NRXN3: variants seen among roughly 807,000 people sequenced by gnomAD.
NRXN3 encodes the protein neurexin III.
In NRXN3, 32 loss-of-function variants were observed where a neutral mutation model predicts 137.6. The observed-to-expected ratio is 0.23, with a 90% CI of 0.18 to 0.31. The LOEUF (loss-of-function observed/expected upper bound fraction) is 0.31, where lower values mean the gene tolerates loss of function less well. Ranked by LOEUF, NRXN3 falls within the 10% of genes least tolerant of loss-of-function variation. The pLI, the probability that NRXN3 is intolerant of heterozygous loss-of-function variation, is 1.00. For missense variants in NRXN3, 1,574 were observed against 2,062.5 expected (o/e 0.76, Z 4.59); for synonymous variants, 798 against 784.5 (o/e 1.02, Z -0.29).
In NRXN3 at chr14:78,624,015, G is replaced by C. The variant is rs1476363571; in HGVS notation, c.758-21105G>C. Reference sequence around the variant, plus strand: ...ATTAGAAATAAGGCTCCTGGTTATAGGGTTTGTTACCCAATGAACATGATG... The same window carrying C: ...ATTAGAAATAAGGCTCCTGGTTATACGGTTTGTTACCCAATGAACATGATG... On this transcript the variant is annotated intron_variant, in intron 4 of 20. Coordinates refer to ENST00000335750, the MANE Select transcript of NRXN3 (RefSeq NM_001330195.2). Among the ~76,000 whole-genome samples the C allele has an allele frequency of 2.0e-5, 3 of 152,198 alleles. No homozygotes were observed. In the East Asian group the frequency reaches 5.8e-4, roughly 29 times the overall value.
intron 17 of NRXN3, among the ~76,000 whole-genome samples, chr14:79,685,067 A>G (rs115520639): frequency 4.4e-4 from 67 of 152,298 alleles, no homozygotes; most frequent in African/African-American, 1.2e-3. Flanking sequence ...TTATTTTGAA[A>G]AGGATATTTG....
intron 4 of NRXN3, among the ~76,000 whole-genome samples, chr14:78,312,796 A>T (rs1179467021): frequency 6.6e-6 from 1 of 152,156 alleles, no homozygotes; most frequent in Non-Finnish European, 1.5e-5. Flanking sequence ...TGTTTTGATC[A>T]CGAGGGCTCT....
intron 4 of NRXN3, among the ~76,000 whole-genome samples, chr14:78,351,746 A>G (rs928964304): frequency 1.4e-5 from 2 of 147,704 alleles, no homozygotes; most frequent in South Asian, 2.1e-4. Flanking sequence ...TATCTTTCCC[A>G]GTGTATCTCT....
intron 10 of NRXN3, among the ~76,000 whole-genome samples, chr14:78,944,203 A>C (rs1307780786): frequency 6.6e-6 from 1 of 152,130 alleles, no homozygotes; most frequent in Non-Finnish European, 1.5e-5. Flanking sequence ...TGATCTTTTC[A>C]CTTCTGGCTA....
At chr14:79,717,538 A>G (rs1234660361) in intron 19 of NRXN3, among the ~76,000 whole-genome samples, 3 of 152,160 alleles carry the variant, frequency 2.0e-5, no homozygotes, top group African/African-American at 7.2e-5. Context: ...CCCCCTCTGA[A>G]CCTTCTCCAA....
At chr14:79,304,920 T>C (rs1049981548) in intron 15 of NRXN3, among the ~76,000 whole-genome samples, 13 of 152,056 alleles carry the variant, frequency 8.5e-5, no homozygotes, top group Non-Finnish European at 1.6e-4. Flanking sequence ...TATGAGACTC[T>C]GTCCCTAAAG....
chr14:78,618,925 C>A (rs58271165), intron 4 of NRXN3, among the ~76,000 whole-genome samples: 2,894 of 152,308 alleles, frequency 0.019, 100 homozygotes, highest in East Asian at 0.18. Flanking sequence ...AATTTTGCTT[C>A]TTTCTTTGTC....
intron 6 of NRXN3, among the ~76,000 whole-genome samples, chr14:78,692,022 T>C (rs779050220): frequency 1.3e-5 from 2 of 152,226 alleles, no homozygotes; most frequent in African/African-American, 2.4e-5. Context: ...TCTGGGCCTA[T>C]AAATTTAATT....
intron 8 of NRXN3, among the ~76,000 whole-genome samples, chr14:78,797,055 AG>A (rs2153066996): frequency 6.6e-6 from 1 of 152,308 alleles, no homozygotes; most frequent in African/African-American, 2.4e-5. Context: ...TAACTGACCA[AG>A]GGGGCTTAAG....
chr14:79,251,144 G>A (rs150750336), intron 15 of NRXN3, among the ~76,000 whole-genome samples: 16 of 152,272 alleles, frequency 1.1e-4, no homozygotes, highest in Non-Finnish European at 2.1e-4. Context: ...GAAATAAGTA[G>A]CCACTGAAGG....
At chr14:78,253,013 C>T (rs1046540783) in intron 2 of NRXN3, among the ~76,000 whole-genome samples, 3 of 152,120 alleles carry the variant, frequency 2.0e-5, no homozygotes, top group East Asian at 1.9e-4. Context: ...CTGTATCTTG[C>T]ATGGTTAGCC....
rs117490861 is a variant in NRXN3 at position 79,740,376 on chromosome 14, C to T, written c.4014+42439C>T. ...ACTTGTCAGTCTACTGCAAAACTTT[C>T]CGTGACTCCTGGGGGGCCTGCAGGA... On this transcript the variant is annotated intron_variant, in intron 19 of 20. Coordinates refer to ENST00000335750, the MANE Select transcript of NRXN3 (RefSeq NM_001330195.2). Among the ~76,000 whole-genome samples the T allele has an allele frequency of 9.4e-4, 143 of 152,080 alleles. 1 individual carries two copies. The highest frequency in any genetic ancestry group is 1.4e-3 in the Non-Finnish European group (94 of 67,986).
intron 4 of NRXN3, among the ~76,000 whole-genome samples, chr14:78,476,284 G>A (rs1317340889): frequency 6.6e-6 from 1 of 152,206 alleles, no homozygotes; most frequent in Non-Finnish European, 1.5e-5. Context: ...GCTATCTAGA[G>A]AATTAAGGAG....
intron 15 of NRXN3, among the ~76,000 whole-genome samples, chr14:79,120,534 C>G (rs188632157): frequency 2.6e-5 from 4 of 151,914 alleles, no homozygotes; most frequent in Admixed American, 1.3e-4. Flanking sequence ...AGAATAGAAG[C>G]TGATAGAAAA....
At chr14:79,810,528 A>G (rs1191339734) in intron 20 of NRXN3, among the ~76,000 whole-genome samples, 1 of 152,208 alleles carries the variant, frequency 6.6e-6, no homozygotes, top group Admixed American at 6.5e-5. Flanking sequence ...AGTGGTTCTC[A>G]GGTATATTTT....
chr14:78,274,638 A>G (rs1162354336), intron 2 of NRXN3, among the ~76,000 whole-genome samples: 2 of 152,236 alleles, frequency 1.3e-5, no homozygotes, highest in Non-Finnish European at 2.9e-5. Context: ...TGCTGAGCAT[A>G]TGCACTTGTG....
chr14:78,940,652 T>C (rs1453096948), intron 10 of NRXN3, among the ~76,000 whole-genome samples: 5 of 152,252 alleles, frequency 3.3e-5, no homozygotes, highest in Non-Finnish European at 7.3e-5. Flanking sequence ...TATTTGTTCC[T>C]TGAATAGAAT....
intron 1 of NRXN3, among the ~76,000 whole-genome samples, chr14:78,174,896 T>G (rs989163110): frequency 6.6e-6 from 1 of 151,972 alleles, no homozygotes; most frequent in South Asian, 2.1e-4. Flanking sequence ...GAGAAGGGGA[T>G]GAGGTGGGTG....
At chr14:78,272,630 T>G (rs2072967262) in intron 2 of NRXN3, among the ~76,000 whole-genome samples, 1 of 152,200 alleles carries the variant, frequency 6.6e-6, no homozygotes, top group Non-Finnish European at 1.5e-5. Context: ...ACCTTTTTCT[T>G]ACTTCTGTGA....
Sources: gnomAD v4.1 joint callset for allele counts (sites outside exome capture counted in the v4.1 genomes callset) on GRCh38, gnomAD v4.1.1 for gene constraint, MANE v1.5 for transcripts, NCBI Gene and HGNC (gene_info 2026-07-23, HGNC 2026-07-21) for gene names.